The following ARHGEF28 variants were observed in gnomAD, a reference collection of about 807,000 sequenced individuals.
The protein encoded by ARHGEF28 is 190 kDa guanine nucleotide exchange factor.
Under a neutral mutation model 206.6 loss-of-function variants are expected in ARHGEF28, and 152 were observed. That is an observed-to-expected ratio of 0.74 (90% CI 0.64 to 0.84). The LOEUF (loss-of-function observed/expected upper bound fraction) is 0.84. Among genes scored for constraint, ARHGEF28 ranks in the 40% least tolerant of loss-of-function variants. The pLI is 0.00. For missense variants in ARHGEF28, 2,028 were observed against 2,073.2 expected (o/e 0.98, Z 0.42); for synonymous variants, 763 against 776.4 (o/e 0.98, Z 0.29).
intron 35 of ARHGEF28, among the ~76,000 whole-genome samples, chr5:73,940,258 G>A (rs1283571924): frequency 1.3e-5 from 2 of 152,192 alleles, no homozygotes; most frequent in African/African-American, 4.8e-5. Context: ...AACCCAGTCA[G>A]AGCTGAAACT....
Position 73,941,024 on chromosome 5 carries a change from A to G in ARHGEF28, c.*11A>G. On this transcript the variant is annotated 3_prime_UTR_variant, in exon 36 of 36. Transcript: ENST00000513042. The stretch of plus-strand genomic sequence containing the variant: ...ATTGTTTACCTCTAATTGTGTTGTC[A>G]TTTTTCCAAACAAAACAAAACACTG... 2 of 1,468,946 alleles carry G rather than the reference A, an allele frequency of 1.4e-6. No individual in the cohort carries two copies. Among genetic ancestry groups the G allele is most frequent in the Non-Finnish European group, 1.8e-6 (2 of 1,117,462 alleles). 91.0% of individuals were successfully genotyped at this position (1,468,946 alleles called of 1,614,324 possible).
Position 73,863,969 on chromosome 5 carries a change from A to G in ARHGEF28, c.2048-848A>G, listed in dbSNP as rs1473836460. Among the ~76,000 whole-genome samples, 6 of 152,210 alleles carry G rather than the reference A, an allele frequency of 3.9e-5. No individual in the cohort carries two copies. The East Asian group carries it at 7.8e-4, about 20-fold the overall frequency. On this transcript the variant is annotated intron_variant, in intron 16 of 35. Coordinates refer to ENST00000513042, the MANE Select transcript of ARHGEF28 (RefSeq NM_001177693.2). Reference sequence around the variant, plus strand: ...AGTTCTTGTTGGGTCACTGGCATTTATGCAGTGTGGCTTTGATGGACCAAC... The same window carrying G: ...AGTTCTTGTTGGGTCACTGGCATTTGTGCAGTGTGGCTTTGATGGACCAAC...
chr5:73,770,682 CTGTT>C (rs1753174763), intron 4 of ARHGEF28, among the ~76,000 whole-genome samples: 1 of 152,212 alleles, frequency 6.6e-6, no homozygotes, highest in African/African-American at 2.4e-5. Context: ...CTATTTCAAG[CTGTT>C]TGCCTCGCTC....
Position 73,870,125 on chromosome 5 carries a change from G to A in ARHGEF28, c.2482G>A (p.Ala828Thr). ...CAGCAGTGATGCCCAGGAGTTTGAAGCAGAATCTTGGAGTCTTGTGGTGGA... is the reference window on the plus strand; with the variant it reads ...CAGCAGTGATGCCCAGGAGTTTGAAACAGAATCTTGGAGTCTTGTGGTGGA... ...DLSSDAQEFE[A>T]ESWSLVVDPS... Residue 828 changes from alanine (A) to threonine (T), a missense_variant, in exon 21 of 36, where the codon GCA becomes ACA. Ala to Thr is a moderately conservative substitution (Grantham distance 58). Transcript: ENST00000513042. 3 of 1,613,966 alleles carry A rather than the reference G, an allele frequency of 1.9e-6. No individual in the cohort carries two copies. The highest frequency in any genetic ancestry group is 1.7e-6 in the Non-Finnish European group (2 of 1,179,872).
intron 9 of ARHGEF28, among the ~76,000 whole-genome samples, chr5:73,798,459 A>G (rs751302203): frequency 1.6e-4 from 25 of 152,180 alleles, no homozygotes; most frequent in Non-Finnish European, 3.4e-4. Context: ...ACAACTGGCA[A>G]GCTCATCCAA....
At chr5:73,861,868 G>A (rs920065930) in intron 16 of ARHGEF28, among the ~76,000 whole-genome samples, 4 of 152,010 alleles carry the variant, frequency 2.6e-5, no homozygotes, top group Non-Finnish European at 5.9e-5. Flanking sequence ...TTTTTGGCGG[G>A]GGGAGAGGGT....
At chr5:73,648,524 T>G (rs1399726385) in intron 1 of ARHGEF28, among the ~76,000 whole-genome samples, 1 of 152,232 alleles carries the variant, frequency 6.6e-6, no homozygotes, top group Non-Finnish European at 1.5e-5. Flanking sequence ...AACTTATCAA[T>G]GATTTCTGGA....
Position 73,779,244 on chromosome 5 carries a change from T to C in ARHGEF28, c.841-1432T>C, listed in dbSNP as rs543397801. Among the ~76,000 whole-genome samples, 7 of 152,304 alleles carry C rather than the reference T, an allele frequency of 4.6e-5. No homozygotes were observed. The East Asian group carries it at 1.3e-3, about 29-fold the overall frequency. The stretch of plus-strand genomic sequence containing the variant: ...TATCCAAACTGTAAAGACAGAATAT[T>C]AGGAAATTAAATAATAGGCAAACTC... On this transcript the variant is annotated intron_variant, in intron 6 of 35. Transcript: ENST00000513042.
intron 3 of ARHGEF28, among the ~76,000 whole-genome samples, chr5:73,750,998 A>G (rs1008462041): frequency 6.6e-6 from 1 of 152,240 alleles, no homozygotes; most frequent in Non-Finnish European, 1.5e-5. Flanking sequence ...TCTTAGCTCT[A>G]CCTGGTCTTG....
Position 73,834,269 on chromosome 5 carries a change from A to G in ARHGEF28, c.1146+1810A>G, listed in dbSNP as rs555076454. ...ATTAACTATAGTCACCATGTTGTACATTAGGTCTCAAGAACTTATTCATTG... is the reference window on the plus strand; with the variant it reads ...ATTAACTATAGTCACCATGTTGTACGTTAGGTCTCAAGAACTTATTCATTG... On this transcript the variant is annotated intron_variant, in intron 10 of 35. Coordinates refer to ENST00000513042, the MANE Select transcript of ARHGEF28 (RefSeq NM_001177693.2). 4.6e-5 allele frequency among the ~76,000 whole-genome samples: 7 copies of G among 152,312 alleles called. No individual in the cohort carries two copies. In the South Asian group the frequency reaches 1.2e-3, roughly 27 times the overall value.
Position 73,941,067 on chromosome 5 carries a change from T to A in ARHGEF28, c.*54T>A. 3 of 1,410,518 alleles carry A rather than the reference T, an allele frequency of 2.1e-6. No homozygotes were observed. Among genetic ancestry groups the A allele is most frequent in the Non-Finnish European group, 2.8e-6 (3 of 1,084,252 alleles). 87.4% of individuals were successfully genotyped at this position (1,410,518 alleles called of 1,614,324 possible). A position where few individuals can be genotyped will look rare whatever the true frequency, so the allele number is the denominator to read the frequency against. On this transcript the variant is annotated 3_prime_UTR_variant, in exon 36 of 36. Coordinates refer to ENST00000513042, the MANE Select transcript of ARHGEF28 (RefSeq NM_001177693.2). ...AAACACTGGCACTTTTGGGAGAAACTTTTTGTCTCCATTCCTTATGTATGT... is the reference window on the plus strand; with the variant it reads ...AAACACTGGCACTTTTGGGAGAAACATTTTGTCTCCATTCCTTATGTATGT...
chr5:73,627,204 C>A (rs1743065361), intron 1 of ARHGEF28: 1 of 152,266 alleles, frequency 6.6e-6, no homozygotes. Context: ...CGCCTTGACC[C>A]CTGCCTGGGT....
chr5:73,771,969 G>A (rs1205518200), intron 4 of ARHGEF28, among the ~76,000 whole-genome samples: 1 of 152,132 alleles, frequency 6.6e-6, no homozygotes. Context: ...TTACTGAGGG[G>A]AAGTGTTCCA....
intron 7 of ARHGEF28, among the ~76,000 whole-genome samples, chr5:73,782,439 A>AAAAAC (rs371224843): frequency 1.3e-4 from 20 of 152,128 alleles, no homozygotes; most frequent in African/African-American, 3.4e-4. Flanking sequence ...CTCCATCTCA[A>AAAAAC]AAAACAAAAC....
intron 35 of ARHGEF28, among the ~76,000 whole-genome samples, chr5:73,924,790 G>A (rs1231732318): frequency 6.6e-6 from 1 of 152,138 alleles, no homozygotes; most frequent in Non-Finnish European, 1.5e-5. Flanking sequence ...GTGCTCCTGT[G>A]CACTGTGAAT....
At chr5:73,638,421 T>A (rs1743861384) in intron 1 of ARHGEF28, among the ~76,000 whole-genome samples, 1 of 152,200 alleles carries the variant, frequency 6.6e-6, no homozygotes, top group Non-Finnish European at 1.5e-5. Context: ...TTGATAAAGG[T>A]CTTGATGTTG....
intron 20 of ARHGEF28, among the ~76,000 whole-genome samples, chr5:73,868,435 AC>A (rs1353901461): frequency 1.1e-4 from 17 of 152,180 alleles, no homozygotes; most frequent in African/African-American, 4.1e-4. Context: ...AGGAAATATG[AC>A]GTAAATTTTA....
chr5:73,914,395 T>G (rs1331149926), intron 35 of ARHGEF28, among the ~76,000 whole-genome samples: 1 of 51,332 alleles, frequency 1.9e-5, no homozygotes, highest in African/African-American at 2.0e-4. Flanking sequence ...GAATTGCTTT[T>G]TTTTTTTTTT....
At chr5:73,697,569 G>T (rs543402257) in intron 2 of ARHGEF28, among the ~76,000 whole-genome samples, 1 of 152,204 alleles carries the variant, frequency 6.6e-6, no homozygotes, top group South Asian at 2.1e-4. Flanking sequence ...CGATAGCTCA[G>T]GTCTCTCTCC....
Sources: gnomAD v4.1 joint callset for allele counts (sites outside exome capture counted in the v4.1 genomes callset) on GRCh38, gnomAD v4.1.1 for gene constraint, MANE v1.5 for transcripts, NCBI Gene and HGNC (gene_info 2026-07-23, HGNC 2026-07-21) for gene names.